Variants in TASP1 observed in about 807,000 individuals in gnomAD.
TASP1 encodes the protein taspase 1.
TASP1 carries 16 observed loss-of-function variants against 56.6 expected under a neutral mutation model. The observed-to-expected ratio is 0.28, with a 90% CI of 0.19 to 0.43. TASP1 has a LOEUF of 0.43. Ranked by LOEUF, TASP1 falls within the 20% of genes least tolerant of loss-of-function variation. The pLI is 1.00. For synonymous variants in TASP1, 179 were observed against 184.2 expected (o/e 0.97, Z 0.23); for missense variants, 393 against 511.6 (o/e 0.77, Z 2.24).
the TASP1 span, among the ~76,000 whole-genome samples, chr20:13,247,158 G>A: frequency 6.6e-6 from 1 of 152,042 alleles, no homozygotes; most frequent in African/African-American, 2.4e-5. Context: ...TTGAACCTGG[G>A]AGGCAGAGGT....
At chr20:13,270,012 A>G in the TASP1 span, among the ~76,000 whole-genome samples, 1 of 152,090 alleles carries the variant, frequency 6.6e-6, no homozygotes, top group Non-Finnish European at 1.5e-5. Flanking sequence ...AGACAAATGG[A>G]CAGACAAATG....
chr20:13,264,435 T>C, the TASP1 span, among the ~76,000 whole-genome samples: 42 of 152,338 alleles, frequency 2.8e-4, no homozygotes, highest in East Asian at 8.1e-3. Context: ...GGGACAATGA[T>C]GCTTAGCACA....
chr20:13,531,577 G>A (rs1383280117), intron 9 of TASP1, among the ~76,000 whole-genome samples: 1 of 150,254 alleles, frequency 6.7e-6, no homozygotes, highest in South Asian at 2.1e-4. Flanking sequence ...TGCAACCTCA[G>A]CCTCTCAGGT....
the TASP1 span, among the ~76,000 whole-genome samples, chr20:13,219,014 G>T: frequency 6.6e-6 from 1 of 152,154 alleles, no homozygotes; most frequent in Admixed American, 6.5e-5. Flanking sequence ...TCATTGCAAA[G>T]GTTTCTTTCC....
At chr20:13,408,564 A>G (rs1176962178) in intron 13 of TASP1, among the ~76,000 whole-genome samples, 2 of 152,170 alleles carry the variant, frequency 1.3e-5, no homozygotes, top group African/African-American at 4.8e-5. Context: ...AAGAAATGGC[A>G]TAAGATTAAT....
intron 10 of TASP1, among the ~76,000 whole-genome samples, chr20:13,495,673 A>T (rs1473679482): frequency 6.6e-6 from 1 of 152,178 alleles, no homozygotes; most frequent in Non-Finnish European, 1.5e-5. Context: ...GACAATATAC[A>T]ATTTGGGACT....
At chr20:13,411,286 C>T (rs140615698) in intron 13 of TASP1, among the ~76,000 whole-genome samples, 3 of 152,202 alleles carry the variant, frequency 2.0e-5, no homozygotes, top group Non-Finnish European at 4.4e-5. Context: ...CCAAGGATTG[C>T]GTTGGCTATT....
chr20:13,316,242 A>G, the TASP1 span, among the ~76,000 whole-genome samples: 1 of 151,984 alleles, frequency 6.6e-6, no homozygotes, highest in Non-Finnish European at 1.5e-5. Flanking sequence ...AATTCACACA[A>G]GAAGGAACAG....
At chr20:13,264,735 G>C in the TASP1 span, among the ~76,000 whole-genome samples, 1 of 152,210 alleles carries the variant, frequency 6.6e-6, no homozygotes, top group Non-Finnish European at 1.5e-5. Flanking sequence ...TGTTGGACCA[G>C]GATGTACTCA....
At chr20:13,385,529 T>C (rs974698661), downstream of TASP1, among the ~76,000 whole-genome samples, 1 of 152,036 alleles carries the variant, frequency 6.6e-6, no homozygotes, top group Non-Finnish European at 1.5e-5. Context: ...GACTGGTGAG[T>C]CCACCCTCAG....
chr20:13,140,470 A>G, the TASP1 span, among the ~76,000 whole-genome samples: 1 of 152,316 alleles, frequency 6.6e-6, no homozygotes, highest in East Asian at 1.9e-4. Context: ...GAGCCCAGGT[A>G]GAGAAATAAA....
chr20:13,279,880 A>G, the TASP1 span: 1 of 1,613,958 alleles, frequency 6.2e-7, no homozygotes, highest in Non-Finnish European at 8.5e-7. Flanking sequence ...TTTTGAAACC[A>G]AAGATCAGCC....
the TASP1 span, among the ~76,000 whole-genome samples, chr20:13,331,274 T>C: frequency 1.3e-5 from 2 of 152,206 alleles, no homozygotes; most frequent in East Asian, 1.9e-4. Context: ...TTATTAAACA[T>C]ATTTTAGTGT....
intron 6 of TASP1, among the ~76,000 whole-genome samples, chr20:13,574,866 A>C (rs1403627249): frequency 6.6e-6 from 1 of 152,166 alleles, no homozygotes; most frequent in Non-Finnish European, 1.5e-5. Flanking sequence ...AAGAGGCTGA[A>C]ATTACATGTA....
chr20:13,315,602 C>T, the TASP1 span, among the ~76,000 whole-genome samples: 1 of 151,772 alleles, frequency 6.6e-6, no homozygotes, highest in African/African-American at 2.4e-5. Context: ...ATTTCAATAC[C>T]CCAACATCCC....
At chr20:13,525,960 C>A (rs2044963099) in intron 10 of TASP1, among the ~76,000 whole-genome samples, 1 of 152,108 alleles carries the variant, frequency 6.6e-6, no homozygotes, top group South Asian at 2.1e-4. Flanking sequence ...CTAGAGGTAT[C>A]TTTAGACATA....
chr20:13,576,235 G>A (rs1436287772), intron 6 of TASP1, among the ~76,000 whole-genome samples: 1 of 132,620 alleles, frequency 7.5e-6, no homozygotes, highest in African/African-American at 2.7e-5. Flanking sequence ...GAGGGGAGGG[G>A]AGCGGAGGGA....
At chr20:13,599,881 AAT>A (rs1233663053) in intron 4 of TASP1, among the ~76,000 whole-genome samples, 1 of 152,072 alleles carries the variant, frequency 6.6e-6, no homozygotes, top group Non-Finnish European at 1.5e-5. Flanking sequence ...ATGAAAAACA[AAT>A]AGTTATTCCT....
intron 13 of TASP1, among the ~76,000 whole-genome samples, chr20:13,401,849 T>C (rs2041749555): frequency 2.0e-5 from 3 of 152,212 alleles, no homozygotes; most frequent in Admixed American, 2.0e-4. Flanking sequence ...GGCATGAGTC[T>C]GGCTGGGAAG....
Sources: gnomAD v4.1 joint callset for allele counts (sites outside exome capture counted in the v4.1 genomes callset) on GRCh38, gnomAD v4.1.1 for gene constraint, MANE v1.5 for transcripts, NCBI Gene and HGNC (gene_info 2026-07-23, HGNC 2026-07-21) for gene names.